Variants in DGKB observed in about 807,000 individuals in gnomAD.
DGKB encodes diacylglycerol kinase beta, also known as 90 kDa diacylglycerol kinase.
Under a neutral mutation model 114.3 loss-of-function variants are expected in DGKB, and 67 were observed. The ratio of observed to expected loss-of-function variants is 0.59; its 90% CI spans 0.48 to 0.72. DGKB has a LOEUF of 0.72. Among genes scored for constraint, DGKB ranks in the 30% least tolerant of loss-of-function variants. The probability of loss-of-function intolerance (pLI) is 0.00; values close to 1 mark genes in which losing one functional copy is unlikely to be tolerated. For missense variants in DGKB, 907 were observed against 975.2 expected (o/e 0.93, Z 0.93); for synonymous variants, 398 against 323.1 (o/e 1.23, Z -2.49).
At position 14,321,059 on chromosome 7, in the gene DGKB, G is replaced by A. The variant is rs1807683061; in HGVS notation, c.2122+17456C>T. On this transcript the variant is annotated intron_variant, in intron 23 of 25. Transcript: ENST00000402815. Reference sequence around the variant, plus strand: ...TAATCACAGCACTTTGGGAGGATGAGGCGGGCGGATGACTTGAGCCCAGGA... The same window carrying A: ...TAATCACAGCACTTTGGGAGGATGAAGCGGGCGGATGACTTGAGCCCAGGA... Among the ~76,000 whole-genome samples, 4 of 152,128 alleles carry A rather than the reference G, an allele frequency of 2.6e-5. 1 individual carries two copies. The highest frequency in any genetic ancestry group is 2.6e-4 in the Admixed American group (4 of 15,272).
At chr7:14,833,695 G>T (rs7790062) in intron 2 of DGKB, among the ~76,000 whole-genome samples, 64,666 of 151,866 alleles carry the variant, frequency 0.43, 14,522 homozygotes, top group South Asian at 0.62. Flanking sequence ...ACACATGCAT[G>T]ACATGCATGC....
intron 23 of DGKB, among the ~76,000 whole-genome samples, chr7:14,223,362 C>T (rs181647796): frequency 2.0e-5 from 3 of 151,810 alleles, no homozygotes; most frequent in Non-Finnish European, 1.5e-5. Flanking sequence ...TTTATACTAA[C>T]ATAATTCCAG....
In DGKB at chr7:14,148,884, A is replaced by C. The variant is rs780138782; in HGVS notation, c.*247T>G. 3.0e-5 allele frequency: 15 copies of C among 499,020 alleles called. No homozygotes were observed. The highest frequency in any genetic ancestry group is 5.0e-5 in the Non-Finnish European group (14 of 281,730). 30.9% of individuals were successfully genotyped at this position (499,020 alleles called of 1,614,324 possible). A position where few individuals can be genotyped will look rare whatever the true frequency, so the allele number is the denominator to read the frequency against. ...GAGATGTAAAAATCTATGGGAATGC[A>C]TGCACCAAAAATATGCAGTATCACT... On this transcript the variant is annotated 3_prime_UTR_variant, in exon 26 of 26. Transcript: ENST00000402815.
At chr7:14,679,430 G>T (rs1172491420) in intron 12 of DGKB, among the ~76,000 whole-genome samples, 1 of 151,990 alleles carries the variant, frequency 6.6e-6, no homozygotes, top group Non-Finnish European at 1.5e-5. Flanking sequence ...GGCACAACTA[G>T]TAAGTGAGGA....
intron 21 of DGKB, among the ~76,000 whole-genome samples, chr7:14,454,949 A>G (rs1832057930): frequency 6.6e-6 from 1 of 152,096 alleles, no homozygotes; most frequent in Non-Finnish European, 1.5e-5. Context: ...TAAATAATTT[A>G]CCCTAGGCTT....
chr7:14,420,601 T>C (rs1477736589), intron 21 of DGKB, among the ~76,000 whole-genome samples: 1 of 152,098 alleles, frequency 6.6e-6, no homozygotes, highest in Non-Finnish European at 1.5e-5. Context: ...TGGCTGCTAT[T>C]GTCCTAAATC....
At chr7:14,473,243 C>T (rs1353030811) in intron 21 of DGKB, among the ~76,000 whole-genome samples, 1 of 152,144 alleles carries the variant, frequency 6.6e-6, no homozygotes, top group African/African-American at 2.4e-5. Context: ...TGTCCTGTGT[C>T]CCAGCTGCAC....
intron 1 of DGKB, among the ~76,000 whole-genome samples, chr7:14,874,481 T>G (rs6980413): frequency 6.6e-6 from 1 of 151,824 alleles, no homozygotes; most frequent in Non-Finnish European, 1.5e-5. Context: ...AATTTTTGTA[T>G]CTACAAAATC....
chr7:14,568,713 G>C (rs1477030704), intron 20 of DGKB, among the ~76,000 whole-genome samples: 1 of 152,154 alleles, frequency 6.6e-6, no homozygotes, highest in Admixed American at 6.5e-5. Context: ...ATAATACAAA[G>C]GGTCTATAAC....
At chr7:14,463,927 C>T (rs545071297) in intron 21 of DGKB, among the ~76,000 whole-genome samples, 34 of 152,010 alleles carry the variant, frequency 2.2e-4, no homozygotes, top group African/African-American at 8.0e-4. Flanking sequence ...ACAACTTACA[C>T]GTTAGGTTTA....
chr7:14,919,935 C>T (rs1784434944), intron 1 of DGKB, among the ~76,000 whole-genome samples: 1 of 152,164 alleles, frequency 6.6e-6, no homozygotes, highest in East Asian at 1.9e-4. Context: ...GAAGTAGATG[C>T]CAGCACTATG....
At chr7:14,870,227 C>T (rs1026770270) in intron 1 of DGKB, among the ~76,000 whole-genome samples, 2 of 152,138 alleles carry the variant, frequency 1.3e-5, no homozygotes, top group African/African-American at 2.4e-5. Context: ...CTACAGATAC[C>T]TCAGATAAAG....
At chr7:14,785,270 C>T (rs558270383) in intron 2 of DGKB, among the ~76,000 whole-genome samples, 2 of 152,006 alleles carry the variant, frequency 1.3e-5, no homozygotes, top group African/African-American at 2.4e-5. Context: ...TTTCAAGTAT[C>T]TTATTATAAG....
chr7:14,374,883 C>T (rs1325271582), intron 21 of DGKB, among the ~76,000 whole-genome samples: 1 of 152,076 alleles, frequency 6.6e-6, no homozygotes, highest in Non-Finnish European at 1.5e-5. Context: ...CAGATATTGC[C>T]GAATGTCTCC....
At chr7:14,555,024 A>C (rs963787438) in intron 20 of DGKB, among the ~76,000 whole-genome samples, 10 of 152,196 alleles carry the variant, frequency 6.6e-5, no homozygotes, top group African/African-American at 2.4e-4. Context: ...GTCTCTGACA[A>C]GTTTTCCTGT....
upstream of DGKB, among the ~76,000 whole-genome samples, chr7:14,904,443 A>G (rs759681181): frequency 6.6e-5 from 10 of 152,068 alleles, no homozygotes; most frequent in Non-Finnish European, 1.3e-4. Flanking sequence ...ACAGAGGGGG[A>G]ACACGGAAGA....
At chr7:14,954,030 G>C (rs938620252) in intron 1 of DGKB, among the ~76,000 whole-genome samples, 2 of 152,160 alleles carry the variant, frequency 1.3e-5, no homozygotes, top group African/African-American at 4.8e-5. Context: ...AGCCCTCCAG[G>C]TGATTTTGGT....
chr7:14,313,083 A>G (rs902916940), intron 23 of DGKB, among the ~76,000 whole-genome samples: 3 of 152,224 alleles, frequency 2.0e-5, no homozygotes, highest in East Asian at 3.9e-4. Flanking sequence ...TGATGTTTCT[A>G]TATTTCACAT....
intron 1 of DGKB, among the ~76,000 whole-genome samples, chr7:14,872,337 C>G (rs1198028777): frequency 6.6e-6 from 1 of 152,170 alleles, no homozygotes; most frequent in Non-Finnish European, 1.5e-5. Flanking sequence ...GCTGATGATT[C>G]CAGAGGCAGC....
Sources: gnomAD v4.1 joint callset for allele counts (sites outside exome capture counted in the v4.1 genomes callset) on GRCh38, gnomAD v4.1.1 for gene constraint, MANE v1.5 for transcripts, NCBI Gene and HGNC (gene_info 2026-07-23, HGNC 2026-07-21) for gene names.